The following SLC25A32 variants were observed in gnomAD, a reference collection of about 807,000 sequenced individuals.
The protein encoded by SLC25A32 is Glycine auxotroph B, complementation of hamster.
SLC25A32 carries 32 observed loss-of-function variants against 39.0 expected under a neutral mutation model. The ratio of observed to expected loss-of-function variants is 0.82; its 90% CI spans 0.62 to 1.10. The LOEUF (loss-of-function observed/expected upper bound fraction) is 1.10, where lower values mean the gene tolerates loss of function less well. Ranked by LOEUF, SLC25A32 falls within the 50% of genes least tolerant of loss-of-function variation. The pLI is 0.00. For missense variants in SLC25A32, 367 were observed against 395.3 expected (o/e 0.93, Z 0.61); for synonymous variants, 166 against 152.4 (o/e 1.09, Z -0.66).
At chr8:103,407,241 G>A (rs1371715242) in intron 2 of SLC25A32, among the ~76,000 whole-genome samples, 1 of 152,076 alleles carries the variant, frequency 6.6e-6, no homozygotes, top group African/African-American at 2.4e-5. Flanking sequence ...AAAATAAAAA[G>A]CTCTCTTTAA....
intron 1 of SLC25A32, 23 bp from the exon 2 acceptor site, chr8:103,407,807 T>G (rs1816364871): frequency 1.2e-6 from 2 of 1,608,138 alleles, no homozygotes; most frequent in Non-Finnish European, 1.7e-6. Context: ...ATACACAAAG[T>G]CAGGTAAGAA....
chr8:103,400,965 A>T (rs1816205376), intron 6 of SLC25A32, among the ~76,000 whole-genome samples: 1 of 152,210 alleles, frequency 6.6e-6, no homozygotes, highest in African/African-American at 2.4e-5. Flanking sequence ...ACGGCCTAGA[A>T]ATTTGTCACT....
At position 103,404,579 on chromosome 8, in the gene SLC25A32, G is replaced by C. The variant is rs571234816; in HGVS notation, c.391+197C>G. On this transcript the variant is annotated intron_variant, in intron 3 of 6. Coordinates refer to ENST00000297578, the MANE Select transcript of SLC25A32 (RefSeq NM_030780.5). ...CACCGCACTCCAGCCTGGGCGACAAGAGCGAAACTCCGCCTCAAAAAAAAA... is the reference window on the plus strand; with the variant it reads ...CACCGCACTCCAGCCTGGGCGACAACAGCGAAACTCCGCCTCAAAAAAAAA... Among the ~76,000 whole-genome samples, 40 of 151,238 alleles carry C rather than the reference G, an allele frequency of 2.6e-4. No individual in the cohort carries two copies. In the East Asian group the frequency reaches 6.5e-3, roughly 24 times the overall value.
chr8:103,404,955 C>G (rs2130442674), intron 2 of SLC25A32, 94 bp from the exon 3 acceptor site: 2 of 712,738 alleles, frequency 2.8e-6, no homozygotes, highest in Non-Finnish European at 4.6e-6. Flanking sequence ...CCCAAAAGCA[C>G]AAGTCAATGC....
chr8:103,404,555 A>G (rs1372091942), intron 3 of SLC25A32, among the ~76,000 whole-genome samples: 1 of 152,050 alleles, frequency 6.6e-6, no homozygotes, highest in Non-Finnish European at 1.5e-5. Flanking sequence ...AGATAGCGCC[A>G]CCGCACTCCA....
chr8:103,400,622 AG>A, intron 6 of SLC25A32, 76 bp from the exon 7 acceptor site: 1 of 1,460,534 alleles, frequency 6.8e-7, no homozygotes, highest in Admixed American at 1.8e-5. Context: ...AACTGACACA[AG>A]GCATGGAGCA....
intron 1 of SLC25A32, among the ~76,000 whole-genome samples, chr8:103,414,548 G>A (rs1816544335): frequency 6.6e-6 from 1 of 152,200 alleles, no homozygotes; most frequent in South Asian, 2.1e-4. Context: ...CAATGAGGAT[G>A]TTTTTTCTCA....
At position 103,401,950 on chromosome 8, in the gene SLC25A32, T is replaced by A. The variant is rs759999977; in HGVS notation, c.657A>T (p.Glu219Asp). Reference protein sequence around the residue: ...KYNQHINRLPEAQLSTVEYIS... With the variant: ...KYNQHINRLPDAQLSTVEYIS... ...ACAAGAATAATCTTACCAACTGGGC[T>A]TCTGGTAATCTATTGATATGCTGGT... is the stretch of plus-strand genomic sequence containing the variant. The change falls in exon 5 of 7, where the codon GAA becomes GAT. Residue 219 changes from glutamate (E) to aspartate (D), a missense_variant. Coordinates refer to ENST00000297578, the MANE Select transcript of SLC25A32 (RefSeq NM_030780.5). The A allele has an allele frequency of 1.2e-6, 2 of 1,608,048 alleles. No homozygotes were observed. The highest frequency in any genetic ancestry group is 2.2e-5 in the South Asian group (2 of 89,992).
chr8:103,414,874 G>A lies in SLC25A32; in HGVS notation c.64C>T (p.Arg22Trp), dbSNP rs1440736635. 3.1e-6 allele frequency: 5 copies of A among 1,613,134 alleles called. No homozygotes were observed. In the East Asian group the frequency reaches 1.1e-4, roughly 36 times the overall value. ...ACGCCCGCTATCAGGTTCTCATACC[G>A]GACGTGGCGGAATACCGTGCTCCAC... The part of the protein sequence containing the change: ...SAWSTVFRHV[R>W]YENLIAGVSG... Residue 22 changes from arginine (R) to tryptophan (W), a missense_variant, in exon 1 of 7, where the codon CGG becomes TGG. By Grantham distance (101) the Arg-to-Trp change is moderately radical (BLOSUM62 -3). Transcript: ENST00000297578.
rs557398502 is a variant in SLC25A32 at position 103,408,729 on chromosome 8, C to T, written c.155-945G>A. ...TCTTACTAGAGTGTTCCATATAACT[C>T]AACAAACGCCATCATCATCTGCATT... On this transcript the variant is annotated intron_variant, in intron 1 of 6. Transcript: ENST00000297578. 2.6e-5 allele frequency among the ~76,000 whole-genome samples: 4 copies of T among 152,208 alleles called. No homozygotes were observed. The South Asian group carries it at 8.3e-4, about 31-fold the overall frequency.
At position 103,400,501 on chromosome 8, in the gene SLC25A32, C is replaced by A. The variant is rs1816194573; in HGVS notation, c.858G>T (p.Leu286Phe). Residue 286 changes from leucine (L) to phenylalanine (F), a missense_variant, in exon 7 of 7, where the codon TTG (leucine) becomes TTT (phenylalanine). By Grantham distance (22) the Leu-to-Phe change is conservative. Transcript: ENST00000297578. ...GGFYKGIAPN[L>F]IRVTPACCIT... ...TACAGCAGGCTGGAGTCACTCTAATCAAATTAGGAGCAATTCCCTTGTAAA... is the reference window on the plus strand; with the variant it reads ...TACAGCAGGCTGGAGTCACTCTAATAAAATTAGGAGCAATTCCCTTGTAAA... The A allele has an allele frequency of 6.2e-7, 1 of 1,614,004 alleles. No homozygotes were observed. Among genetic ancestry groups the A allele is most frequent in the Non-Finnish European group, 8.5e-7 (1 of 1,180,004 alleles).
At chr8:103,402,744 T>C (rs908217677) in intron 4 of SLC25A32, 2 of 152,274 alleles carry the variant, frequency 1.3e-5, no homozygotes, top group African/African-American at 4.8e-5. Flanking sequence ...TGTTTCGTTA[T>C]TTTTAAATTT....
chr8:103,400,575 A>G (rs754572652), intron 6 of SLC25A32, 29 bp from the exon 7 acceptor site: 39 of 1,612,034 alleles, frequency 2.4e-5, no homozygotes, highest in Non-Finnish European at 3.3e-5. Flanking sequence ...ATAATGCTTA[A>G]TTTTGTATAG....
intron 6 of SLC25A32, 104 bp from the exon 7 acceptor site, chr8:103,400,650 TA>T (rs1416687255): frequency 3.9e-5 from 46 of 1,165,506 alleles, no homozygotes; most frequent in Non-Finnish European, 5.3e-5. Flanking sequence ...AGTCAAACCT[TA>T]CTCTGATTTA....
intron 1 of SLC25A32, among the ~76,000 whole-genome samples, 180 bp from the exon 2 acceptor site, chr8:103,407,964 T>G (rs1400396135): frequency 2.0e-5 from 3 of 147,506 alleles, no homozygotes; most frequent in Non-Finnish European, 3.0e-5. Flanking sequence ...TATAAATATA[T>G]ATATATATAA....
At chr8:103,409,697 A>C (rs1816419173) in intron 1 of SLC25A32, among the ~76,000 whole-genome samples, 2 of 152,240 alleles carry the variant, frequency 1.3e-5, no homozygotes, top group South Asian at 4.1e-4. Flanking sequence ...AGCCTGGCAA[A>C]GAAGGATCAC....
chr8:103,404,530 G>A (rs1324803718), intron 3 of SLC25A32, among the ~76,000 whole-genome samples: 1 of 152,110 alleles, frequency 6.6e-6, no homozygotes, highest in African/African-American at 2.4e-5. Context: ...CGAAGGCAGA[G>A]GTTGCAGTGA....
chr8:103,403,967 T>C (rs1816274048), intron 3 of SLC25A32, among the ~76,000 whole-genome samples: 1 of 152,356 alleles, frequency 6.6e-6, no homozygotes, highest in South Asian at 2.1e-4. Flanking sequence ...TATTTGGTCC[T>C]GTTATGACTC....
Position 103,414,897 on chromosome 8 carries a change from C to CACGCCGACGACCCGG in SLC25A32, c.26_40dup (p.Ser9_Ala13dup). 1 of 1,611,852 alleles carries CACGCCGACGACCCGG rather than the reference C, an allele frequency of 6.2e-7. No homozygotes were observed. The highest frequency in any genetic ancestry group is 2.2e-5 in the East Asian group (1 of 44,770). ...CCGGACGTGGCGGAATACCGTGCTC[C>CACGCCGACGACCCGG]ACGCCGACGACCCGGACGCCGACTG... On this transcript the variant is annotated inframe_insertion, in exon 1 of 7. Transcript: ENST00000297578.
Sources: allele counts gnomAD v4.1 joint callset (sites outside exome capture counted in the v4.1 genomes callset), GRCh38; gene constraint gnomAD v4.1.1; transcripts MANE v1.5; gene names NCBI Gene and HGNC (gene_info 2026-07-23, HGNC 2026-07-21).